PDE4D: variants seen among roughly 807,000 people sequenced by gnomAD.
The protein encoded by PDE4D is phosphodiesterase 4D, also known as 3',5'-cyclic-AMP phosphodiesterase 4D.
A neutral mutation model predicts 87.4 loss-of-function variants in PDE4D; 24 were observed. That is an observed-to-expected ratio of 0.27 (90% CI 0.20 to 0.39). The LOEUF (loss-of-function observed/expected upper bound fraction) is 0.39, where lower values mean the gene tolerates loss of function less well. Among genes scored for constraint, PDE4D ranks in the 10% least tolerant of loss-of-function variants. The pLI is 1.00. For synonymous variants in PDE4D, 384 were observed against 383.2 expected (o/e 1.00, Z -0.02); for missense variants, 714 against 1,041.0 (o/e 0.69, Z 4.32).
intron 1 of PDE4D, among the ~76,000 whole-genome samples, chr5:59,550,004 G>A (rs1220567127): frequency 6.6e-6 from 1 of 151,332 alleles, no homozygotes; most frequent in Admixed American, 6.6e-5. Context: ...GTGTCACAGA[G>A]GTCTCTTTGC....
chr5:60,271,643 A>G (rs745927373), intron 1 of PDE4D, among the ~76,000 whole-genome samples: 10 of 152,214 alleles, frequency 6.6e-5, no homozygotes, highest in Admixed American at 3.3e-4. Flanking sequence ...AATAGCTCCA[A>G]GACTTCCCTG....
chr5:59,943,511 A>G (rs946117621), intron 3 of PDE4D, among the ~76,000 whole-genome samples: 1 of 152,196 alleles, frequency 6.6e-6, no homozygotes, highest in African/African-American at 2.4e-5. Flanking sequence ...CATTTAGGGA[A>G]GAGACCTTCA....
At chr5:59,538,021 G>A (rs1327162138) in intron 1 of PDE4D, among the ~76,000 whole-genome samples, 4 of 152,154 alleles carry the variant, frequency 2.6e-5, no homozygotes, top group Non-Finnish European at 5.9e-5. Context: ...TCCCTGTTGT[G>A]TCATAGTTTC....
intron 1 of PDE4D, among the ~76,000 whole-genome samples, chr5:60,419,910 A>G (rs1330288985): frequency 6.6e-6 from 1 of 152,202 alleles, no homozygotes; most frequent in Non-Finnish European, 1.5e-5. Flanking sequence ...AGTCTGAGGC[A>G]GCTGGCATGG....
intron 1 of PDE4D, among the ~76,000 whole-genome samples, chr5:60,483,597 G>GT (rs1030978891): frequency 1.3e-5 from 2 of 151,668 alleles, no homozygotes; most frequent in African/African-American, 4.9e-5. Context: ...CTATTGAGAA[G>GT]TTAAAAAAAA....
intron 5 of PDE4D, among the ~76,000 whole-genome samples, chr5:59,112,861 C>T (rs1044488730): frequency 4.7e-5 from 7 of 149,218 alleles, no homozygotes; most frequent in African/African-American, 1.7e-4. Flanking sequence ...AGTGCAGTGG[C>T]GCGATCTCAG....
chr5:59,206,039 T>C (rs1238315111), intron 2 of PDE4D, among the ~76,000 whole-genome samples: 1 of 152,216 alleles, frequency 6.6e-6, no homozygotes, highest in Non-Finnish European at 1.5e-5. Context: ...ACATTATATA[T>C]GTTTAGATAC....
At chr5:60,038,388 T>C (rs1207889292) in intron 2 of PDE4D, among the ~76,000 whole-genome samples, 2 of 152,168 alleles carry the variant, frequency 1.3e-5, no homozygotes, top group African/African-American at 4.8e-5. Flanking sequence ...GGGAATCCTT[T>C]CCCCATTGCT....
chr5:59,353,667 C>T (rs1393227329), intron 1 of PDE4D, among the ~76,000 whole-genome samples: 1 of 151,906 alleles, frequency 6.6e-6, no homozygotes, highest in Non-Finnish European at 1.5e-5. Flanking sequence ...TTATGTAACC[C>T]TCTGCTTTCT....
intron 1 of PDE4D, among the ~76,000 whole-genome samples, chr5:59,673,461 A>G (rs1385052598): frequency 6.6e-6 from 1 of 152,152 alleles, no homozygotes; most frequent in Admixed American, 6.5e-5. Flanking sequence ...TACAAACCCA[A>G]TCGTTACTCC....
intron 1 of PDE4D, among the ~76,000 whole-genome samples, chr5:60,518,042 C>G (rs1412113256): frequency 1.3e-5 from 2 of 152,250 alleles, no homozygotes; most frequent in African/African-American, 4.8e-5. Context: ...CAGGCACCAC[C>G]ACATTCCCGG....
At chr5:59,046,519 CA>C (rs1170477697) in intron 5 of PDE4D, among the ~76,000 whole-genome samples, 1 of 139,078 alleles carries the variant, frequency 7.2e-6, no homozygotes, top group African/African-American at 2.7e-5. Flanking sequence ...TTCTCCCAAT[CA>C]TCAATAAGGT....
At chr5:59,372,332 T>C (rs1459767567) in intron 1 of PDE4D, among the ~76,000 whole-genome samples, 1 of 152,212 alleles carries the variant, frequency 6.6e-6, no homozygotes, top group Non-Finnish European at 1.5e-5. Context: ...GGATATAAAC[T>C]TTAAACTCTA....
In PDE4D at chr5:59,799,136, C is replaced by T. The variant is rs575245016; in HGVS notation, c.455+94032G>A. ...ATGATAGCAACCAGAAACAAGGCTT[C>T]CTGTTGTCCTCAGACAACCGAAAGT... On this transcript the variant is annotated intron_variant, in intron 1 of 14. Transcript: ENST00000340635. 8.5e-5 allele frequency among the ~76,000 whole-genome samples: 13 copies of T among 152,280 alleles called. No individual in the cohort carries two copies. In the South Asian group the frequency reaches 2.7e-3, roughly 32 times the overall value.
chr5:60,501,026 T>A (rs1750046909), intron 1 of PDE4D, among the ~76,000 whole-genome samples: 1 of 152,002 alleles, frequency 6.6e-6, no homozygotes, highest in African/African-American at 2.4e-5. Context: ...AAACTTTAAG[T>A]TTTAGGGTAC....
intron 1 of PDE4D, among the ~76,000 whole-genome samples, chr5:59,674,076 T>C (rs921624944): frequency 6.6e-6 from 1 of 152,156 alleles, no homozygotes; most frequent in South Asian, 2.1e-4. Context: ...CCTAAATTGT[T>C]AAATATTTAA....
At chr5:59,575,039 A>C (rs1822898198) in intron 1 of PDE4D, among the ~76,000 whole-genome samples, 1 of 152,218 alleles carries the variant, frequency 6.6e-6, no homozygotes, top group South Asian at 2.1e-4. Context: ...ATTAACACTG[A>C]TAATATTAAT....
intron 1 of PDE4D, among the ~76,000 whole-genome samples, chr5:59,537,756 AT>A (rs1415504445): frequency 1.3e-5 from 2 of 152,234 alleles, no homozygotes; most frequent in Admixed American, 1.3e-4. Context: ...TAACATTCCA[AT>A]TTAAATATTT....
intron 3 of PDE4D, among the ~76,000 whole-genome samples, chr5:59,969,035 GT>G (rs1760404977): frequency 6.7e-6 from 1 of 149,204 alleles, no homozygotes; most frequent in Non-Finnish European, 1.5e-5. Flanking sequence ...ATAATATGTA[GT>G]TTCTTTAATA....
Sources: gnomAD v4.1 joint callset for allele counts (sites outside exome capture counted in the v4.1 genomes callset) on GRCh38, gnomAD v4.1.1 for gene constraint, MANE v1.5 for transcripts, NCBI Gene and HGNC (gene_info 2026-07-23, HGNC 2026-07-21) for gene names.